The following HRH1 variants were observed in gnomAD, a reference collection of about 807,000 sequenced individuals.
HRH1 encodes the protein histamine H1 receptor.
A neutral mutation model predicts 10.3 loss-of-function variants in HRH1; 6 were observed. The ratio of observed to expected loss-of-function variants is 0.58; its 90% CI spans 0.32 to 1.15. HRH1 has a LOEUF of 1.15. Ranked by LOEUF, HRH1 falls within the 50% of genes most tolerant of loss-of-function variation. HRH1 has a pLI of 0.05. For missense variants in HRH1, 514 were observed against 615.3 expected, an observed-to-expected ratio of 0.84 and a Z score of 1.74; for synonymous variants, 242 against 236.7, an observed-to-expected ratio of 1.02 and a Z score of -0.21.
rs374202701 is a variant in HRH1, at chr3:11,248,881, A to G, written c.-35-10122A>G. 1.5e-4 allele frequency among the ~76,000 whole-genome samples: 23 copies of G among 152,350 alleles called. No homozygotes were observed. In the South Asian group the frequency reaches 4.6e-3, roughly 30 times the overall value. On this transcript the variant is annotated intron_variant, in intron 1 of 1. Coordinates refer to ENST00000431010, the MANE Select transcript of HRH1 (RefSeq NM_001098212.2). ...CTCATGCCTCGTTGGTCAGATGACC[A>G]TCCAAGTGGGAAGGGGACAATTTGG...
chr3:11,231,543 A>C (rs895183707), intron 1 of HRH1, among the ~76,000 whole-genome samples: 1 of 152,306 alleles, frequency 6.6e-6, no homozygotes, highest in Non-Finnish European at 1.5e-5. Context: ...ATGGCTGTGC[A>C]GTGATATCTC....
chr3:11,224,409 G>T (rs1186305547), intron 1 of HRH1, among the ~76,000 whole-genome samples: 2 of 152,324 alleles, frequency 1.3e-5, no homozygotes, highest in African/African-American at 4.8e-5. Flanking sequence ...GAAATTGGAT[G>T]TTGGAGGGCC....
chr3:11,172,598 A>G (rs1452361948), intron 1 of HRH1, among the ~76,000 whole-genome samples: 2 of 151,688 alleles, frequency 1.3e-5, no homozygotes, highest in East Asian at 3.9e-4. Context: ...TCATGCTTAC[A>G]CCAGCCCCTG....
chr3:11,156,921 T>C (rs1936816334), intron 1 of HRH1, among the ~76,000 whole-genome samples: 1 of 152,256 alleles, frequency 6.6e-6, no homozygotes, highest in Non-Finnish European at 1.5e-5. Flanking sequence ...AAAGTCTTAC[T>C]GCAGTCTCAA....
intron 1 of HRH1, among the ~76,000 whole-genome samples, chr3:11,232,550 G>A (rs529652685): frequency 3.9e-5 from 6 of 152,052 alleles, no homozygotes; most frequent in Non-Finnish European, 7.4e-5. Context: ...TAGTAGTTTT[G>A]AAATTGGGTA....
chr3:11,234,182 A>G (rs1939113710), intron 1 of HRH1: 2 of 892,816 alleles, frequency 2.2e-6, no homozygotes, highest in East Asian at 2.6e-5. Context: ...ACTTTCTTGG[A>G]AGGTGACAAC....
At chr3:11,139,358 C>T (rs562206446) in intron 1 of HRH1, among the ~76,000 whole-genome samples, 2 of 151,748 alleles carry the variant, frequency 1.3e-5, no homozygotes, top group African/African-American at 2.4e-5. Flanking sequence ...CGGCTCACTG[C>T]GACCTCCGCC....
chr3:11,232,963 C>G (rs1939081106), intron 1 of HRH1, among the ~76,000 whole-genome samples: 1 of 152,094 alleles, frequency 6.6e-6, no homozygotes, highest in South Asian at 2.1e-4. Context: ...CTTCTTGTCT[C>G]TATGTTTTCT....
intron 1 of HRH1, among the ~76,000 whole-genome samples, chr3:11,217,117 C>T (rs1212177222): frequency 6.6e-6 from 1 of 150,778 alleles, no homozygotes. Flanking sequence ...ACCCAGGAGG[C>T]GGAGGTTACA....
chr3:11,218,218 G>A (rs777100917), intron 1 of HRH1, among the ~76,000 whole-genome samples: 16 of 152,034 alleles, frequency 1.1e-4, no homozygotes, highest in African/African-American at 1.4e-4. Flanking sequence ...AGGCCAAGGC[G>A]GGTGGATCAC....
At chr3:11,138,138 C>G (rs532639896) in intron 1 of HRH1, among the ~76,000 whole-genome samples, 1 of 151,766 alleles carries the variant, frequency 6.6e-6, no homozygotes, top group South Asian at 2.1e-4. Flanking sequence ...GCCTCAGTCT[C>G]CCAAGTAGCT....
At chr3:11,140,164 C>T (rs1417036749) in intron 1 of HRH1, among the ~76,000 whole-genome samples, 1 of 152,140 alleles carries the variant, frequency 6.6e-6, no homozygotes, top group Non-Finnish European at 1.5e-5. Flanking sequence ...AGCTGCCCTG[C>T]GATGGGACAT....
intron 1 of HRH1, among the ~76,000 whole-genome samples, chr3:11,202,298 G>A (rs1048251857): frequency 6.6e-6 from 1 of 151,672 alleles, no homozygotes; most frequent in African/African-American, 2.4e-5. Flanking sequence ...CCAGCTACTC[G>A]GGAGGCTGAG....
chr3:11,214,606 T>C (rs1190497689), intron 1 of HRH1, among the ~76,000 whole-genome samples: 1 of 152,234 alleles, frequency 6.6e-6, no homozygotes, highest in Non-Finnish European at 1.5e-5. Flanking sequence ...TTGTCATTCA[T>C]TCATTCATTC....
At chr3:11,180,671 G>A (rs540334483) in intron 1 of HRH1, among the ~76,000 whole-genome samples, 1 of 152,234 alleles carries the variant, frequency 6.6e-6, no homozygotes, top group African/African-American at 2.4e-5. Context: ...GGATTTGCCT[G>A]TTGTGGACAT....
intron 1 of HRH1, among the ~76,000 whole-genome samples, chr3:11,170,525 G>A (rs1453141949): frequency 6.6e-6 from 1 of 152,238 alleles, no homozygotes; most frequent in Non-Finnish European, 1.5e-5. Context: ...GACCCGGAAC[G>A]GGCAGTATCC....
At chr3:11,150,768 C>T (rs1936592973), upstream of HRH1, among the ~76,000 whole-genome samples, 1 of 152,200 alleles carries the variant, frequency 6.6e-6, no homozygotes, top group Admixed American at 6.5e-5. Flanking sequence ...GGGCCTTCCT[C>T]GATTTCCCCA....
At chr3:11,250,579 G>A (rs1382683988) in intron 1 of HRH1, among the ~76,000 whole-genome samples, 2 of 152,146 alleles carry the variant, frequency 1.3e-5, no homozygotes, top group Admixed American at 6.5e-5. Context: ...TCAATGGGTG[G>A]AGTTTGTGCT....
intron 1 of HRH1, among the ~76,000 whole-genome samples, chr3:11,190,281 G>A (rs1437170652): frequency 1.3e-5 from 2 of 152,034 alleles, no homozygotes; most frequent in Admixed American, 6.6e-5. Context: ...AGAGGCCAAG[G>A]CGGGAGGATT....
Sources: allele counts gnomAD v4.1 joint callset (sites outside exome capture counted in the v4.1 genomes callset), GRCh38; gene constraint gnomAD v4.1.1; transcripts MANE v1.5; gene names NCBI Gene and HGNC (gene_info 2026-07-23, HGNC 2026-07-21).